The following BLM variants were observed in gnomAD, a reference collection of about 807,000 sequenced individuals.
BLM encodes the protein recQ-like DNA helicase BLM.
BLM carries 95 observed loss-of-function variants against 135.3 expected under a neutral mutation model. That is an observed-to-expected ratio of 0.70 (90% CI 0.59 to 0.83). BLM has a LOEUF of 0.83. BLM is among the 40% of genes least tolerant of loss of function. BLM has a pLI of 0.00. For synonymous variants in BLM, 520 were observed against 589.2 expected (o/e 0.88, Z 1.70); for missense variants, 1,518 against 1,663.9 (o/e 0.91, Z 1.53).
intron 9 of BLM, 69 bp from the exon 10 acceptor site, chr15:90,766,841 C>T: frequency 9.9e-7 from 1 of 1,006,822 alleles, no homozygotes; most frequent in Non-Finnish European, 1.5e-6. Flanking sequence ...ATTTATAAAA[C>T]CTAAGGACAA....
chr15:90,802,293 C>T lies in BLM; in HGVS notation c.3359-1228C>T, dbSNP rs559806182. ...TCTTTAAAACAGAGCTAAAGCTTTA[C>T]GTAATAACCATTAATTCTGATTTTT... On this transcript the variant is annotated intron_variant, in intron 17 of 21. Coordinates refer to ENST00000355112, the MANE Select transcript of BLM (RefSeq NM_000057.4). 3.7e-4 allele frequency among the ~76,000 whole-genome samples: 57 copies of T among 152,282 alleles called. 1 individual carries two copies. Among genetic ancestry groups the T allele is most frequent in the Admixed American group, 3.5e-3 (53 of 15,294 alleles).
intron 12 of BLM, among the ~76,000 whole-genome samples, chr15:90,773,883 T>A (rs184876754): frequency 2.3e-3 from 354 of 152,270 alleles, no homozygotes; most frequent in Non-Finnish European, 3.7e-3. Context: ...CATTCATCAT[T>A]TGATGGATGT....
chr15:90,813,368 G>A (rs1050171973), intron 21 of BLM, among the ~76,000 whole-genome samples: 6 of 152,180 alleles, frequency 3.9e-5, no homozygotes, highest in African/African-American at 1.4e-4. Context: ...CTTGTTTTCA[G>A]TGAGCCTGGG....
rs1311709933 is a variant in BLM at position 90,765,346 on chromosome 15, G to T, written c.2125G>T (p.Val709Phe). The T allele has an allele frequency of 6.2e-7, 1 of 1,613,896 alleles. No individual in the cohort carries two copies. Among genetic ancestry groups the T allele is most frequent in the Non-Finnish European group, 8.5e-7 (1 of 1,179,856 alleles). ...YQLPACVSPG[V>F]TVVISPLRSL... ...GCTCCCTGCCTGTGTTTCTCCTGGG[G>T]TCACTGTTGTCATTTCTCCCTTGAG... Residue 709 changes from valine to phenylalanine, a missense_variant, in exon 9 of 22, where the codon GTC becomes TTC. By Grantham distance (50) the Val-to-Phe change is conservative. This residue lies in a region of BLM where 626 missense variants were observed against 681.1 expected (regional missense o/e 0.92). Coordinates refer to ENST00000355112, the MANE Select transcript of BLM (RefSeq NM_000057.4).
chr15:90,719,846 G>A (rs1894719981), intron 1 of BLM, among the ~76,000 whole-genome samples: 1 of 152,072 alleles, frequency 6.6e-6, no homozygotes, highest in African/African-American at 2.4e-5. Context: ...AGTGCTGAAA[G>A]CCCCTAAGGG....
intron 5 of BLM, among the ~76,000 whole-genome samples, chr15:90,757,182 C>T (rs1895841917): frequency 6.6e-6 from 1 of 152,206 alleles, no homozygotes; most frequent in Non-Finnish European, 1.5e-5. Context: ...TTTGAATTTA[C>T]ATCAAATCAC....
chr15:90,738,996 A>G (rs1290494289), intron 1 of BLM, among the ~76,000 whole-genome samples: 1 of 152,232 alleles, frequency 6.6e-6, no homozygotes, highest in Non-Finnish European at 1.5e-5. Flanking sequence ...ACCCATGTTC[A>G]TAACAGCATT....
intron 17 of BLM, among the ~76,000 whole-genome samples, chr15:90,800,151 C>T (rs1405605385): frequency 1.3e-5 from 2 of 152,160 alleles, no homozygotes; most frequent in Non-Finnish European, 2.9e-5. Context: ...AATTTTTATG[C>T]CACAGTGGCA....
intron 14 of BLM, among the ~76,000 whole-genome samples, chr15:90,787,807 G>A (rs892221303): frequency 1.8e-4 from 28 of 152,006 alleles, no homozygotes; most frequent in South Asian, 6.2e-4. Context: ...AAAATTAGCC[G>A]GACGTGGTGA....
At chr15:90,791,038 C>T (rs185607600) in intron 15 of BLM, among the ~76,000 whole-genome samples, 194 bp downstream of exon 15, 1 of 152,296 alleles carries the variant, frequency 6.6e-6, no homozygotes, top group African/African-American at 2.4e-5. Flanking sequence ...TTGTAAAACT[C>T]AAATGATACA....
chr15:90,734,701 A>AC (rs1596204585), intron 1 of BLM, among the ~76,000 whole-genome samples: 4 of 57,816 alleles, frequency 6.9e-5, no homozygotes, highest in African/African-American at 5.7e-4. Context: ...ACACGCAGAG[A>AC]GAGAGAGAGA....
chr15:90,719,942 T>C (rs761302804), intron 1 of BLM, among the ~76,000 whole-genome samples: 1 of 152,184 alleles, frequency 6.6e-6, no homozygotes, highest in East Asian at 1.9e-4. Flanking sequence ...CACATACTAT[T>C]CTACCTCAGC....
In BLM at chr15:90,784,983, C is replaced by G. The variant is rs1456964727; in HGVS notation, c.2725C>G (p.Gln909Glu). 1.2e-6 allele frequency: 2 copies of G among 1,614,136 alleles called. No homozygotes were observed. Among genetic ancestry groups the G allele is most frequent in the Admixed American group, 1.7e-5 (1 of 60,016 alleles). ...ATGTGACACCATGGCTGACACGTTA[C>G]AGAGAGATGGGCTCGCTGCTCTTGC... ...RECDTMADTLQRDGLAALAYH... is the reference protein window; with the variant it reads ...RECDTMADTLERDGLAALAYH... The change falls in exon 14 of 22, where the codon CAG becomes GAG. Residue 909 changes from glutamine to glutamate, a missense_variant. This residue lies in a region of BLM where 626 missense variants were observed against 681.1 expected (regional missense o/e 0.92). Transcript: ENST00000355112.
At chr15:90,771,795 TA>T (rs1182031856) in intron 12 of BLM, among the ~76,000 whole-genome samples, 2 of 152,014 alleles carry the variant, frequency 1.3e-5, no homozygotes, top group Admixed American at 6.6e-5. Flanking sequence ...AGTTAAATGA[TA>T]AAAAAAATTT....
intron 1 of BLM, among the ~76,000 whole-genome samples, chr15:90,740,997 C>T (rs1895350553): frequency 1.3e-5 from 2 of 152,162 alleles, no homozygotes; most frequent in African/African-American, 2.4e-5. Flanking sequence ...GACTATGTTT[C>T]GTTTTTTGAG....
intron 12 of BLM, among the ~76,000 whole-genome samples, chr15:90,770,442 C>G (rs1223672112): frequency 6.6e-6 from 1 of 152,218 alleles, no homozygotes; most frequent in African/African-American, 2.4e-5. Context: ...TCCCAAAGTG[C>G]TGGGATTACA....
intron 17 of BLM, among the ~76,000 whole-genome samples, chr15:90,801,849 A>G (rs113077289): frequency 1.5e-3 from 234 of 152,160 alleles, no homozygotes; most frequent in African/African-American, 5.3e-3. Flanking sequence ...TGAGCCCAGG[A>G]GTTCAAGATC....
At chr15:90,761,753 T>C (rs368155098) in intron 7 of BLM, among the ~76,000 whole-genome samples, 3 of 152,236 alleles carry the variant, frequency 2.0e-5, no homozygotes, top group Admixed American at 6.5e-5. Context: ...AACTACTTCT[T>C]TGGGTCTAAG....
intron 1 of BLM, among the ~76,000 whole-genome samples, chr15:90,745,908 T>C (rs1244529767): frequency 1.3e-5 from 2 of 152,064 alleles, no homozygotes; most frequent in African/African-American, 2.4e-5. Flanking sequence ...AGACCCTGTC[T>C]TTACCAAACA....
Sources: allele counts gnomAD v4.1 joint callset (sites outside exome capture counted in the v4.1 genomes callset), GRCh38; gene constraint gnomAD v4.1.1; regional missense constraint gnomAD v4.1.1; transcripts MANE v1.5; gene names NCBI Gene and HGNC (gene_info 2026-07-23, HGNC 2026-07-21).